REST: variants seen among roughly 807,000 people sequenced by gnomAD.
REST encodes RE1-silencing transcription factor.
REST carries 1 observed loss-of-function variant against 30.4 expected under a neutral mutation model. That is an observed-to-expected ratio of 0.03 (90% CI 0.01 to 0.16). The LOEUF (loss-of-function observed/expected upper bound fraction) is 0.16. REST is among the 10% of genes least tolerant of loss of function. The probability of loss-of-function intolerance (pLI) is 1.00; values close to 1 mark genes in which losing one functional copy is unlikely to be tolerated. For synonymous variants in REST, 504 were observed against 451.1 expected (o/e 1.12, Z -1.49); for missense variants, 1,259 against 1,329.5 (o/e 0.95, Z 0.82).
At chr4:56,908,531 G>A (rs1010071901) in intron 1 of REST, among the ~76,000 whole-genome samples, 1 of 151,920 alleles carries the variant, frequency 6.6e-6, no homozygotes, top group Non-Finnish European at 1.5e-5. Flanking sequence ...GGTCCTTTGA[G>A]GCCAAGGAGC....
rs943473884 is a variant in REST at position 56,933,938 on chromosome 4, C to A, written c.*1786C>A. ...GAAAGATTAGGAAAAGCATTAATAA[C>A]GTGTGGGTGGAAAGCTTGTTAAAAA... On this transcript the variant is annotated 3_prime_UTR_variant, in exon 4 of 4. Coordinates refer to ENST00000309042, the MANE Select transcript of REST (RefSeq NM_005612.5). 2.0e-5 allele frequency: 3 copies of A among 152,112 alleles called. No homozygotes were observed. Among genetic ancestry groups the A allele is most frequent in the African/African-American group, 7.2e-5 (3 of 41,426 alleles). 9.4% of individuals were successfully genotyped at this position (152,112 alleles called of 1,614,324 possible).
chr4:56,931,249 A>G lies in REST; in HGVS notation c.2391A>G (p.Pro797=), dbSNP rs528985380. 11 of 1,614,090 alleles carry G rather than the reference A, an allele frequency of 6.8e-6. No homozygotes were observed. Among genetic ancestry groups the G allele is most frequent in the African/African-American group, 2.7e-5 (2 of 75,032 alleles). ...AGAAGGAGCCTGCTCAGAGGGAGCC[A>G]CCTCCTCCCAGAGAGCCTCCCCTTC... is the stretch of plus-strand genomic sequence containing the variant. ...VVQKEPAQRE[P]PPPREPPLHM... is the part of the protein sequence containing the mutation. The change falls in exon 4 of 4, where the codon CCA becomes CCG. Residue 797 remains proline (P), a synonymous_variant. Transcript: ENST00000309042.
intron 1 of REST, among the ~76,000 whole-genome samples, chr4:56,910,048 G>A (rs770262093): frequency 3.9e-5 from 6 of 152,168 alleles, no homozygotes; most frequent in Non-Finnish European, 5.9e-5. Context: ...AAATTAAGGG[G>A]CTGACTGCTA....
chr4:56,930,886 G>A lies in REST; in HGVS notation c.2028G>A (p.Val676=). 6.2e-7 allele frequency: 1 copy of A among 1,614,030 alleles called. No homozygotes were observed. Among genetic ancestry groups the A allele is most frequent in the African/African-American group, 1.3e-5 (1 of 74,988 alleles). The stretch of plus-strand genomic sequence containing the variant: ...CTCCCGTGGAGCCTGCTCAGATGGT[G>A]GGTGCCCAAATTGTACTTGCTCACA... The part of the protein sequence containing the change: ...LLPPVEPAQM[V]GAQIVLAHME... The change falls in exon 4 of 4, where the codon GTG becomes GTA. Residue 676 remains valine (V), a synonymous_variant. Coordinates refer to ENST00000309042, the MANE Select transcript of REST (RefSeq NM_005612.5).
rs1207706645 is a variant in REST, at chr4:56,935,274, GTTTC to G, written c.*3126_*3129del. The G allele has an allele frequency of 1.3e-5, 2 of 152,088 alleles. No individual in the cohort carries two copies. Among genetic ancestry groups the G allele is most frequent in the Non-Finnish European group, 2.9e-5 (2 of 68,026 alleles). 9.4% of individuals were successfully genotyped at this position (152,088 alleles called of 1,614,324 possible). A position where few individuals can be genotyped will look rare whatever the true frequency, so the allele number is the denominator to read the frequency against. ...TTGATAAGCTGAGGAAGAAAGTTAA[GTTTC>G]TTTTTTACATAAGTCAGAAAAACTT... On this transcript the variant is annotated 3_prime_UTR_variant, in exon 4 of 4. Transcript: ENST00000309042.
Position 56,931,698 on chromosome 4 carries a change from T to G in REST, c.2840T>G (p.Met947Arg). 6.2e-7 allele frequency: 1 copy of G among 1,614,174 alleles called. No individual in the cohort carries two copies. The highest frequency in any genetic ancestry group is 8.5e-7 in the Non-Finnish European group (1 of 1,180,042). ...KHQTDSIVCE[M>R]KMDTDQNTRE... ...CAGACTGACAGTATAGTTTGTGAAA[T>G]GAAAATGGACACTGATCAGAACACA... Residue 947 changes from methionine to arginine, a missense_variant, in exon 4 of 4, where the codon ATG becomes AGG. By Grantham distance (91) the Met-to-Arg change is moderately conservative (BLOSUM62 -1). Transcript: ENST00000309042.
intron 3 of REST, among the ~76,000 whole-genome samples, chr4:56,927,293 A>AT (rs1297968725): frequency 6.6e-6 from 1 of 152,204 alleles, no homozygotes; most frequent in Non-Finnish European, 1.5e-5. Context: ...CTCCATTTAA[A>AT]TCATTCACTG....
intron 2 of REST, among the ~76,000 whole-genome samples, chr4:56,918,223 G>A (rs912593488): frequency 6.6e-6 from 1 of 151,996 alleles, no homozygotes; most frequent in African/African-American, 2.4e-5. Flanking sequence ...TGGGCATGGT[G>A]GCTCATGCCC....
At chr4:56,922,090 G>C (rs1014886423) in intron 3 of REST, among the ~76,000 whole-genome samples, 44 of 152,016 alleles carry the variant, frequency 2.9e-4, no homozygotes, top group African/African-American at 9.4e-4. Context: ...TGTACTTTGA[G>C]TGTTTTTTTC....
In REST at chr4:56,935,555, A is replaced by G. The variant is rs1721120126; in HGVS notation, c.*3403A>G. 1 of 152,192 alleles carries G rather than the reference A, an allele frequency of 6.6e-6. No individual in the cohort carries two copies. The highest frequency in any genetic ancestry group is 2.4e-5 in the African/African-American group (1 of 41,446). The allele number at this position is 152,192 out of a possible 1,614,324, so 9.4% of individuals were successfully genotyped here. A position where few individuals can be genotyped will look rare whatever the true frequency, so the allele number is the denominator to read the frequency against. On this transcript the variant is annotated 3_prime_UTR_variant, in exon 4 of 4. Transcript: ENST00000309042. ...ATTACAACAATGTTTTGTTGCACCA[A>G]TTTTATAAACTTAAGCAGTGCAATA...
At chr4:56,915,811 C>T (rs1436774619) in intron 2 of REST, among the ~76,000 whole-genome samples, 1 of 152,118 alleles carries the variant, frequency 6.6e-6, no homozygotes, top group Non-Finnish European at 1.5e-5. Context: ...GTTTCTTGTG[C>T]CCTTCTATTC....
At chr4:56,918,955 G>A (rs1487322081) in intron 2 of REST, among the ~76,000 whole-genome samples, 1 of 151,416 alleles carries the variant, frequency 6.6e-6, no homozygotes, top group Non-Finnish European at 1.5e-5. Flanking sequence ...ACAGTCAGGG[G>A]CCACAATCCC....
chr4:56,917,787 C>T (rs1349891541), intron 2 of REST, among the ~76,000 whole-genome samples: 1 of 152,114 alleles, frequency 6.6e-6, no homozygotes, highest in African/African-American at 2.4e-5. Flanking sequence ...TGTGGCGGCT[C>T]ATGCCTGTAA....
In REST at chr4:56,911,674, G is replaced by T. The variant is rs147070916; in HGVS notation, c.898+138G>T. On this transcript the variant is annotated intron_variant, in intron 2 of 3. Transcript: ENST00000309042. Reference sequence around the variant, plus strand: ...TTGCTATCTTTGTGACCTTGCACAAGTTGTTTAACCTCTTTGTTCAGAAAT... The same window carrying T: ...TTGCTATCTTTGTGACCTTGCACAATTTGTTTAACCTCTTTGTTCAGAAAT... The T allele has an allele frequency of 7.5e-4, 515 of 685,246 alleles. 1 individual carries two copies. The African/African-American group carries it at 8.1e-3, about 11-fold the overall frequency. 42.4% of individuals were successfully genotyped at this position (685,246 alleles called of 1,614,324 possible).
chr4:56,917,446 A>G (rs187870142), intron 2 of REST, among the ~76,000 whole-genome samples: 118 of 152,220 alleles, frequency 7.8e-4, no homozygotes, highest in African/African-American at 2.7e-3. Flanking sequence ...TACCTCCCAA[A>G]GTGCTGGGAT....
At chr4:56,916,203 C>T (rs550071034) in intron 2 of REST, among the ~76,000 whole-genome samples, 112 of 152,268 alleles carry the variant, frequency 7.4e-4, no homozygotes, top group Admixed American at 2.3e-3. Flanking sequence ...TGGTTGACCT[C>T]TTTAGTTTAG....
rs756559394 is a variant in REST at position 56,931,923 on chromosome 4, A to T, written c.3065A>T (p.Asn1022Ile). Residue 1022 changes from asparagine (N) to isoleucine (I), a missense_variant, in exon 4 of 4, where the codon AAC becomes ATC. Physicochemically the swap from Asn to Ile is moderately radical, Grantham distance 149 (BLOSUM62 -3). Coordinates refer to ENST00000309042, the MANE Select transcript of REST (RefSeq NM_005612.5). ...CATGAAGGAAGTGACCTAAGTGACA[A>T]CATGTCAGAGGGTAGTGATGATTCT... Reference protein sequence around the residue: ...HSHEGSDLSDNMSEGSDDSGL... With the variant: ...HSHEGSDLSDIMSEGSDDSGL... The T allele has an allele frequency of 6.2e-7, 1 of 1,614,222 alleles. No individual in the cohort carries two copies. Among genetic ancestry groups the T allele is most frequent in the Non-Finnish European group, 8.5e-7 (1 of 1,180,040 alleles).
chr4:56,912,808 G>T (rs1451198084), intron 2 of REST, among the ~76,000 whole-genome samples: 2 of 151,494 alleles, frequency 1.3e-5, no homozygotes, highest in Non-Finnish European at 2.9e-5. Flanking sequence ...GCCACCCCTG[G>T]CTAATTTTTG....
In REST at chr4:56,914,032, C is replaced by T. The variant is rs192367700; in HGVS notation, c.898+2496C>T. On this transcript the variant is annotated intron_variant, in intron 2 of 3. Transcript: ENST00000309042. ...CTCACTGCAGCCTTGACCTCCTGGA[C>T]TTGTGACCCTCTCGCCTCAGTCCCC... Among the ~76,000 whole-genome samples, 3 of 152,000 alleles carry T rather than the reference C, an allele frequency of 2.0e-5. No homozygotes were observed. The East Asian group carries it at 5.8e-4, about 30-fold the overall frequency.
Sources: allele counts gnomAD v4.1 joint callset (sites outside exome capture counted in the v4.1 genomes callset), GRCh38; gene constraint gnomAD v4.1.1; transcripts MANE v1.5; gene names NCBI Gene and HGNC (gene_info 2026-07-23, HGNC 2026-07-21).